The following PLB1 variants were observed in gnomAD, a reference collection of about 807,000 sequenced individuals.
PLB1 encodes the protein phospholipase B1, membrane-associated.
A neutral mutation model predicts 227.4 loss-of-function variants in PLB1; 242 were observed. That is an observed-to-expected ratio of 1.06 (90% confidence interval 0.96 to 1.18). The LOEUF is 1.18. Among genes scored for constraint, PLB1 ranks in the 50% most tolerant of loss-of-function variants. PLB1 has a pLI of 0.00. For synonymous variants in PLB1, 757 were observed against 682.2 expected, an observed-to-expected ratio of 1.11 and a Z score of -1.71; for missense variants, 1,858 against 1,816.3, an observed-to-expected ratio of 1.02 and a Z score of -0.42.
At chr2:28,602,798 C>T in intron 38 of PLB1, 23 bp from the exon 39 acceptor site, 2 of 1,606,752 alleles carry the variant, frequency 1.2e-6, no homozygotes, top group Non-Finnish European at 1.7e-6. Flanking sequence ...GAGCCCCCCT[C>T]TCATCTGCAG....
In PLB1 at chr2:28,573,201, C is replaced by T. The variant is rs1444767281; in HGVS notation, c.1329C>T (p.Ile443=). 8.7e-6 allele frequency: 14 copies of T among 1,612,466 alleles called. No individual in the cohort carries two copies. The highest frequency in any genetic ancestry group is 8.0e-5 in the African/African-American group (6 of 74,870). The change falls in exon 21 of 58, where the codon ATC becomes ATT. Residue 443 remains isoleucine (I), a synonymous_variant. Transcript: ENST00000327757. ...GTCTTTTCCTTGTATTTGCAGACATCCTCCGGGAATTCAACCCTTCCCTGA... is the reference window on the plus strand; with the variant it reads ...GTCTTTTCCTTGTATTTGCAGACATTCTCCGGGAATTCAACCCTTCCCTGA... ...NIGTVTTLAN[I]LREFNPSLKG... is the part of the protein sequence containing the mutation.
chr2:28,582,474 A>G lies in PLB1; in HGVS notation c.1702A>G (p.Lys568Glu). 6.2e-7 allele frequency: 1 copy of G among 1,611,568 alleles called. No homozygotes were observed. The highest frequency in any genetic ancestry group is 8.5e-7 in the Non-Finnish European group (1 of 1,178,754). ...CAACCTGAGGGAGCTGTACCAGGAG[A>G]AAAAAGTCTACTGCCCAAGGATGAT... ...IVNLRELYQE[K>E]KVYCPRMILR... is the part of the protein sequence containing the mutation. The change falls in exon 25 of 58, where the codon AAA (lysine) becomes GAA (glutamate). Residue 568 changes from lysine (K) to glutamate (E), a missense_variant. Physicochemically the swap from Lys to Glu is moderately conservative, Grantham distance 56. Coordinates refer to ENST00000327757, the MANE Select transcript of PLB1 (RefSeq NM_153021.5).
chr2:28,551,849 G>A (rs1218912520), intron 16 of PLB1, among the ~76,000 whole-genome samples: 3 of 152,150 alleles, frequency 2.0e-5, no homozygotes, highest in Admixed American at 6.5e-5. Flanking sequence ...CATTATCATT[G>A]GATAAATGCA....
intron 34 of PLB1, among the ~76,000 whole-genome samples, 189 bp from the exon 35 acceptor site, chr2:28,598,463 T>C (rs1272659944): frequency 6.6e-6 from 1 of 152,132 alleles, no homozygotes; most frequent in Admixed American, 6.5e-5. Flanking sequence ...GCCCACCTAG[T>C]CATCAGGTCA....
chr2:28,551,077 A>G (rs1674173488), intron 16 of PLB1, among the ~76,000 whole-genome samples: 2 of 152,198 alleles, frequency 1.3e-5, no homozygotes, highest in East Asian at 1.9e-4. Flanking sequence ...CCTGTTCCCA[A>G]TCTGTTTTGA....
At chr2:28,528,941 C>CTT (rs201087238) in intron 6 of PLB1, among the ~76,000 whole-genome samples, 2,859 of 109,334 alleles carry the variant, frequency 0.026, 202 homozygotes, top group African/African-American at 0.1. Context: ...GGGAGTCAGT[C>CTT]TTTTTTTTTT....
intron 1 of PLB1, among the ~76,000 whole-genome samples, chr2:28,502,571 C>T (rs1465920486): frequency 6.6e-6 from 1 of 152,108 alleles, no homozygotes; most frequent in Non-Finnish European, 1.5e-5. Flanking sequence ...CCATTGCTGG[C>T]GTAAAATCAA....
chr2:28,604,725 C>T lies in PLB1; in HGVS notation c.2927C>T (p.Pro976Leu), dbSNP rs376453617. ...GAGGACTTCTCTGTGGTGCTGCAGC[C>T]CTTCTTCCAGAACATCCAGCTCCCT... ...TQEDFSVVLQPFFQNIQLPVL... is the reference protein window; with the variant it reads ...TQEDFSVVLQLFFQNIQLPVL... The change falls in exon 41 of 58, where the codon CCC becomes CTC. Residue 976 changes from proline to leucine, a missense_variant. Transcript: ENST00000327757. The T allele has an allele frequency of 2.8e-5, 46 of 1,614,168 alleles. No homozygotes were observed. In the African/African-American group the frequency reaches 5.5e-4, roughly 19 times the overall value.
chr2:28,578,140 C>T lies in PLB1; in HGVS notation c.1467C>T (p.Asp489=). The change falls in exon 22 of 58, where the codon GAC becomes GAT. Residue 489 remains aspartate (D), a synonymous_variant. Transcript: ENST00000327757. ...CTGTCCAGGCCAGGAGGCTGGTGGA[C>T]CTGATGAAGAATGACACGGTGGGTC... ...DLPVQARRLV[D]LMKNDTRIHF... is the part of the protein sequence containing the mutation. The T allele has an allele frequency of 6.2e-7, 1 of 1,614,102 alleles. No individual in the cohort carries two copies. Among genetic ancestry groups the T allele is most frequent in the African/African-American group, 1.3e-5 (1 of 75,048 alleles).
chr2:28,530,134 C>G (rs1313384305), intron 8 of PLB1, among the ~76,000 whole-genome samples: 1 of 152,152 alleles, frequency 6.6e-6, no homozygotes, highest in African/African-American at 2.4e-5. Flanking sequence ...GCTGAAATTA[C>G]AGGACGAGTG....
chr2:28,614,870 C>T (rs937576477), intron 44 of PLB1, among the ~76,000 whole-genome samples: 1 of 152,232 alleles, frequency 6.6e-6, no homozygotes, highest in Non-Finnish European at 1.5e-5. Context: ...ATGTGCCAGA[C>T]ACTATTCCAG....
At chr2:28,600,190 G>T (rs959524452) in intron 35 of PLB1, among the ~76,000 whole-genome samples, 1 of 152,176 alleles carries the variant, frequency 6.6e-6, no homozygotes. Context: ...GATTACAGGC[G>T]TGAGCCACCA....
chr2:28,588,310 C>T (rs1479498410), intron 26 of PLB1, among the ~76,000 whole-genome samples: 2 of 152,172 alleles, frequency 1.3e-5, no homozygotes, highest in African/African-American at 4.8e-5. Context: ...CAACATCCTC[C>T]ATTTACTAAA....
chr2:28,561,792 G>A (rs1572982223), intron 17 of PLB1, among the ~76,000 whole-genome samples: 2 of 152,162 alleles, frequency 1.3e-5, no homozygotes, highest in South Asian at 2.1e-4. Context: ...GGAGGCTGAG[G>A]TGGGAGGATC....
chr2:28,575,740 A>T (rs1678810923), intron 21 of PLB1, among the ~76,000 whole-genome samples: 1 of 151,992 alleles, frequency 6.6e-6, no homozygotes, highest in Non-Finnish European at 1.5e-5. Context: ...TTTAGTAGAG[A>T]CAGCGTTTCA....
intron 56 of PLB1, among the ~76,000 whole-genome samples, chr2:28,633,583 C>G (rs929360143): frequency 2.6e-5 from 4 of 152,212 alleles, no homozygotes; most frequent in African/African-American, 9.6e-5. Flanking sequence ...TCCACACAGC[C>G]TGTTTTCCGA....
At chr2:28,577,328 C>A (rs1679141221) in intron 21 of PLB1, among the ~76,000 whole-genome samples, 1 of 152,180 alleles carries the variant, frequency 6.6e-6, no homozygotes, top group African/African-American at 2.4e-5. Context: ...AAGTCACTTT[C>A]ACACTGTTAG....
rs368720014 is a variant in PLB1 at position 28,579,596 on chromosome 2, G to A, written c.1486-31G>A. 6.6e-5 allele frequency: 103 copies of A among 1,559,956 alleles called. No individual in the cohort carries two copies. The African/African-American group carries it at 1.2e-3, about 19-fold the overall frequency. ...TTCCTTGACTTGACTCTGGGACAAGGTGCTTACTTCTGTGTTTCTATTCAT... is the reference window on the plus strand; with the variant it reads ...TTCCTTGACTTGACTCTGGGACAAGATGCTTACTTCTGTGTTTCTATTCAT... On this transcript the variant is annotated intron_variant, in intron 22 of 57. Coordinates refer to ENST00000327757, the MANE Select transcript of PLB1 (RefSeq NM_153021.5).
At chr2:28,572,270 G>A (rs964398113) in intron 20 of PLB1, among the ~76,000 whole-genome samples, 1 of 152,212 alleles carries the variant, frequency 6.6e-6, no homozygotes, top group African/African-American at 2.4e-5. Flanking sequence ...CAAGGATGTG[G>A]AAGAATTGAA....
Sources: allele counts gnomAD v4.1 joint callset (sites outside exome capture counted in the v4.1 genomes callset), GRCh38; gene constraint gnomAD v4.1.1; transcripts MANE v1.5; gene names NCBI Gene and HGNC (gene_info 2026-07-23, HGNC 2026-07-21).